The following FAM13A variants were observed in gnomAD, a reference collection of about 807,000 sequenced individuals.
FAM13A encodes the protein family with sequence similarity 13 member A, also known as protein FAM13A.
FAM13A carries 76 observed loss-of-function variants against 129.6 expected under a neutral mutation model. The ratio of observed to expected loss-of-function variants is 0.59; its 90% CI spans 0.49 to 0.71. The LOEUF is 0.71. Ranked by LOEUF, FAM13A falls within the 30% of genes least tolerant of loss-of-function variation. FAM13A has a pLI of 0.00. For missense variants in FAM13A, 1,108 were observed against 1,249.3 expected, an observed-to-expected ratio of 0.89 and a Z score of 1.70; for synonymous variants, 443 against 449.9, an observed-to-expected ratio of 0.98 and a Z score of 0.20.
intron 7 of FAM13A, among the ~76,000 whole-genome samples, chr4:88,840,405 T>A (rs138873606): frequency 3.3e-5 from 5 of 152,174 alleles, no homozygotes; most frequent in African/African-American, 1.2e-4. Flanking sequence ...TACAAAAATG[T>A]TGAGAGTTAT....
Position 89,024,174 on chromosome 4 carries a change from C to T in FAM13A, c.218-3505G>A, listed in dbSNP as rs559681589. Among the ~76,000 whole-genome samples the T allele has an allele frequency of 5.9e-5, 9 of 152,220 alleles. No individual in the cohort carries two copies. In the South Asian group the frequency reaches 1.9e-3, roughly 32 times the overall value. ...TAAAAACAGAATATGCCATTAGAAACAGAATATGCCAGAAGTCACAAATTG... is the reference window on the plus strand; with the variant it reads ...TAAAAACAGAATATGCCATTAGAAATAGAATATGCCAGAAGTCACAAATTG... On this transcript the variant is annotated intron_variant, in intron 2 of 23. Transcript: ENST00000264344.
intron 21 of FAM13A, among the ~76,000 whole-genome samples, chr4:88,733,800 CCTAACAGAGTTAGGGACAG>C (rs1242759782): frequency 1.1e-4 from 16 of 152,286 alleles, no homozygotes; most frequent in African/African-American, 3.6e-4. Flanking sequence ...AGCATAAACA[CCTAACAGAGTTAGGGACAG>C]CTAACAGAGT....
intron 1 of FAM13A, chr4:89,029,867 T>A: frequency 1.7e-6 from 1 of 571,904 alleles, no homozygotes; most frequent in Non-Finnish European, 3.0e-6. Context: ...AAGCCACAAA[T>A]GAAGTGTGCA....
intron 4 of FAM13A, among the ~76,000 whole-genome samples, chr4:88,985,688 T>A (rs537497802): frequency 3.9e-5 from 6 of 152,274 alleles, no homozygotes; most frequent in African/African-American, 4.8e-5. Flanking sequence ...AAAAATCTCA[T>A]ATTTAGGAAT....
chr4:88,953,350 G>T (rs1757245681), intron 4 of FAM13A, among the ~76,000 whole-genome samples: 1 of 152,102 alleles, frequency 6.6e-6, no homozygotes. Context: ...AGCTACTCGG[G>T]AGGCTGAGGG....
intron 5 of FAM13A, among the ~76,000 whole-genome samples, chr4:88,924,004 A>G (rs1274100351): frequency 6.6e-6 from 1 of 152,218 alleles, no homozygotes; most frequent in Non-Finnish European, 1.5e-5. Flanking sequence ...AAAGGACGTG[A>G]AGGACCTCTT....
rs762355012 is a variant in FAM13A, at chr4:88,790,567, C to A, written c.1091+19G>T. On this transcript the variant is annotated intron_variant, in intron 9 of 23. Transcript: ENST00000264344. ...AAAAAAAAAACCCAAAGCCCAAAAA[C>A]CCAACCCAAATAACTTACTCTCCGG... 61 of 1,419,568 alleles carry A rather than the reference C, an allele frequency of 4.3e-5. 1 individual carries two copies. The highest frequency in any genetic ancestry group is 4.3e-5 in the Non-Finnish European group (46 of 1,061,710). The allele number at this position is 1,419,568 out of a possible 1,614,324, so 87.9% of individuals were successfully genotyped here.
chr4:88,781,337 T>C lies in FAM13A; in HGVS notation c.1286A>G (p.Lys429Arg). The C allele has an allele frequency of 6.2e-7, 1 of 1,603,760 alleles. No individual in the cohort carries two copies. Among genetic ancestry groups the C allele is most frequent in the Non-Finnish European group, 8.5e-7 (1 of 1,175,494 alleles). Residue 429 changes from lysine to arginine, a missense_variant, in exon 11 of 24, where the codon AAA becomes AGA. By Grantham distance (26) the Lys-to-Arg change is conservative (BLOSUM62 2). Around this residue, in one of 3 missense-constraint regions of FAM13A, gnomAD observed 566 missense variants for 595.7 expected, o/e 0.95. Coordinates refer to ENST00000264344, the MANE Select transcript of FAM13A (RefSeq NM_014883.4). ...RHGRDKGLIN[K>R]ENTPSGFNHL... Reference sequence around the variant, plus strand: ...GTTGAACCCAGAAGGAGTATTTTCTTTGTTGATAAGTCCCCTTGAATTGAG... The same window carrying C: ...GTTGAACCCAGAAGGAGTATTTTCTCTGTTGATAAGTCCCCTTGAATTGAG...
intron 14 of FAM13A, among the ~76,000 whole-genome samples, chr4:88,751,950 C>T (rs1252567975): frequency 6.6e-6 from 1 of 152,048 alleles, no homozygotes; most frequent in Non-Finnish European, 1.5e-5. Flanking sequence ...ATAAAATGTG[C>T]AAAACTATCT....
At chr4:89,028,465 T>C (rs1222109922) in intron 2 of FAM13A, among the ~76,000 whole-genome samples, 3 of 152,088 alleles carry the variant, frequency 2.0e-5, no homozygotes, top group African/African-American at 4.8e-5. Context: ...GGAGAATCTC[T>C]TGAGCCCAGG....
rs1445067773 is a variant in FAM13A at position 88,851,165 on chromosome 4, C to A, written c.862G>T (p.Glu288Ter). 1.9e-6 allele frequency: 3 copies of A among 1,603,662 alleles called. No homozygotes were observed. The change falls in exon 7 of 24, where the codon GAG becomes TAG. Residue 288 changes from glutamate (E) to a stop codon, truncating the protein, a stop_gained. Coordinates refer to ENST00000264344, the MANE Select transcript of FAM13A (RefSeq NM_014883.4). LOFTEE classifies it high-confidence loss of function. The part of the protein sequence containing the change: ...PKTKIPKSRS[E>*]GSIQAHRVLQ... ...ACTCTGTGGGCCTGAATAGATCCCTCACTCCTGGATTTTGGGATCTAGAAG... is the reference window on the plus strand; with the variant it reads ...ACTCTGTGGGCCTGAATAGATCCCTAACTCCTGGATTTTGGGATCTAGAAG...
chr4:88,827,257 C>CA (rs1337280763), intron 7 of FAM13A, among the ~76,000 whole-genome samples: 1 of 152,186 alleles, frequency 6.6e-6, no homozygotes, highest in Non-Finnish European at 1.5e-5. Context: ...CCTTCTTGAT[C>CA]AACATTCGCC....
chr4:89,011,362 T>C (rs1765706521), intron 3 of FAM13A, among the ~76,000 whole-genome samples: 1 of 152,208 alleles, frequency 6.6e-6, no homozygotes, highest in African/African-American at 2.4e-5. Context: ...GTAAATGCTA[T>C]GTTACGTATA....
intron 7 of FAM13A, among the ~76,000 whole-genome samples, chr4:88,849,539 T>C (rs770996889): frequency 6.6e-5 from 10 of 152,228 alleles, no homozygotes; most frequent in African/African-American, 2.4e-4. Flanking sequence ...GAACAAACTT[T>C]CCCTGACTAC....
At chr4:88,800,334 A>G (rs1727163534) in intron 8 of FAM13A, among the ~76,000 whole-genome samples, 1 of 152,166 alleles carries the variant, frequency 6.6e-6, no homozygotes, top group African/African-American at 2.4e-5. Flanking sequence ...TAATACAAAA[A>G]CCAAAACCAA....
chr4:88,921,311 G>A (rs917948184), intron 5 of FAM13A, among the ~76,000 whole-genome samples: 41 of 152,148 alleles, frequency 2.7e-4, no homozygotes, highest in Admixed American at 1.2e-3. Flanking sequence ...GAAAGGTCGG[G>A]TTACCCACAA....
At chr4:88,825,520 C>T (rs189754043) in intron 7 of FAM13A, among the ~76,000 whole-genome samples, 29 of 152,146 alleles carry the variant, frequency 1.9e-4, no homozygotes, top group East Asian at 1.5e-3. Flanking sequence ...CTGGCATGAA[C>T]GTTTTAAATA....
intron 2 of FAM13A, among the ~76,000 whole-genome samples, chr4:89,023,432 GT>G (rs1183532699): frequency 0.01 from 1,443 of 143,268 alleles, 29 homozygotes; most frequent in African/African-American, 0.033. Flanking sequence ...ACATGATGTT[GT>G]TTTTTTTTTT....
intron 8 of FAM13A, among the ~76,000 whole-genome samples, chr4:88,793,453 A>G (rs1272445111): frequency 6.6e-6 from 1 of 152,032 alleles, no homozygotes; most frequent in African/African-American, 2.4e-5. Flanking sequence ...GATGTTTTTA[A>G]TAGTCCTTTG....
Sources: gnomAD v4.1 joint callset for allele counts (sites outside exome capture counted in the v4.1 genomes callset) on GRCh38, gnomAD v4.1.1 for gene constraint, gnomAD v4.1.1 regional missense constraint, MANE v1.5 for transcripts, NCBI Gene and HGNC (gene_info 2026-07-23, HGNC 2026-07-21) for gene names.